The following TENM2 variants were observed in gnomAD, a reference collection of about 807,000 sequenced individuals.
The protein encoded by TENM2 is teneurin transmembrane protein 2.
TENM2 carries 52 observed loss-of-function variants against 245.2 expected under a neutral mutation model. That is an observed-to-expected ratio of 0.21 (90% CI 0.17 to 0.27). The LOEUF (loss-of-function observed/expected upper bound fraction) is 0.27, where lower values mean the gene tolerates loss of function less well. TENM2 is among the 10% of genes least tolerant of loss of function. The probability of loss-of-function intolerance (pLI) is 1.00; values close to 1 mark genes in which losing one functional copy is unlikely to be tolerated. For missense variants in TENM2, 3,046 were observed against 3,666.8 expected, an observed-to-expected ratio of 0.83 and a Z score of 4.37; for synonymous variants, 1,363 against 1,438.9, an observed-to-expected ratio of 0.95 and a Z score of 1.19.
chr5:167,499,970 G>A (rs1769081443), intron 2 of TENM2, among the ~76,000 whole-genome samples: 2 of 139,600 alleles, frequency 1.4e-5, no homozygotes, highest in South Asian at 4.6e-4. Context: ...GTGTATGTGA[G>A]GGTGTGTGTG....
chr5:167,721,763 T>C (rs1175235231), intron 2 of TENM2, among the ~76,000 whole-genome samples: 4 of 152,196 alleles, frequency 2.6e-5, no homozygotes, highest in Non-Finnish European at 5.9e-5. Context: ...TAAAGTAACA[T>C]ATTCCCAAGT....
At chr5:167,159,342 G>A in the TENM2 span, among the ~76,000 whole-genome samples, 5 of 151,992 alleles carry the variant, frequency 3.3e-5, no homozygotes, top group Non-Finnish European at 5.9e-5. Flanking sequence ...ATTTTTTAAA[G>A]TTTTATTTTC....
intron 3 of TENM2, among the ~76,000 whole-genome samples, chr5:167,897,433 T>C (rs528995487): frequency 6.6e-6 from 1 of 152,308 alleles, no homozygotes; most frequent in African/African-American, 2.4e-5. Context: ...GTAACACAGA[T>C]GCTTAGAAAA....
intron 1 of TENM2, among the ~76,000 whole-genome samples, chr5:167,328,869 G>A (rs754630710): frequency 5.9e-5 from 9 of 152,088 alleles, no homozygotes; most frequent in African/African-American, 9.7e-5. Flanking sequence ...ATTTAACAAA[G>A]TATATATTTT....
intron 2 of TENM2, among the ~76,000 whole-genome samples, chr5:167,803,066 A>G (rs547284371): frequency 3.0e-4 from 45 of 152,310 alleles, no homozygotes; most frequent in African/African-American, 1.0e-3. Context: ...GGCATTAGGA[A>G]GAGCCTCAGG....
chr5:167,138,434 T>TA, the TENM2 span, among the ~76,000 whole-genome samples: 1 of 152,242 alleles, frequency 6.6e-6, no homozygotes, highest in Admixed American at 6.5e-5. Flanking sequence ...AAAGGCAACA[T>TA]AAAAGGCAAC....
intron 4 of TENM2, among the ~76,000 whole-genome samples, chr5:167,976,964 T>A (rs1391324448): frequency 6.6e-6 from 1 of 152,176 alleles, no homozygotes; most frequent in African/African-American, 2.4e-5. Flanking sequence ...GTGGTACATA[T>A]ACACCATGGA....
chr5:167,035,416 G>T, the TENM2 span, among the ~76,000 whole-genome samples: 1 of 152,186 alleles, frequency 6.6e-6, no homozygotes, highest in Non-Finnish European at 1.5e-5. Context: ...ACATGTTTTA[G>T]TGCATCTGCT....
intron 6 of TENM2, among the ~76,000 whole-genome samples, chr5:168,054,675 G>A (rs933251280): frequency 6.6e-6 from 1 of 152,200 alleles, no homozygotes; most frequent in African/African-American, 2.4e-5. Flanking sequence ...TTTCTGAAAT[G>A]ATTAGCTCCT....
chr5:167,458,206 G>A (rs1766037905), intron 2 of TENM2, among the ~76,000 whole-genome samples: 1 of 152,082 alleles, frequency 6.6e-6, no homozygotes, highest in South Asian at 2.1e-4. Context: ...CATTTTCAGT[G>A]CCAGGCACGG....
rs377717879 is a variant in TENM2, at chr5:167,872,484, A to AAAAGAAAG, written c.503-3444_503-3437dup. Among the ~76,000 whole-genome samples the AAAAGAAAG allele has an allele frequency of 1.9e-3, 194 of 99,728 alleles. 1 individual carries two copies. The highest frequency in any genetic ancestry group is 3.9e-3 in the African/African-American group (105 of 27,180). 65.4% of individuals were successfully genotyped at this position (99,728 alleles called of 152,430 possible). A position where few individuals can be genotyped will look rare whatever the true frequency, so the allele number is the denominator to read the frequency against. ...CACGAAAGAAAGAAAGAAAGAAAGAAAAAGAAAGAAAGAAAGAAAGAAAGA... is the reference window on the plus strand; with the variant it reads ...CACGAAAGAAAGAAAGAAAGAAAGAAAAAGAAAGAAAGAAAGAAAGAAAGAAAGAAAGA... On this transcript the variant is annotated intron_variant, in intron 2 of 28. Transcript: ENST00000518659.
At chr5:167,526,205 G>T (rs1215627359) in intron 2 of TENM2, among the ~76,000 whole-genome samples, 1 of 151,894 alleles carries the variant, frequency 6.6e-6, no homozygotes, top group African/African-American at 2.4e-5. Flanking sequence ...GACCTCTACT[G>T]CAAAATCCAG....
the TENM2 span, among the ~76,000 whole-genome samples, chr5:167,035,495 A>G: frequency 9.9e-5 from 15 of 152,120 alleles, no homozygotes; most frequent in Non-Finnish European, 1.9e-4. Flanking sequence ...GTTCATCACC[A>G]TTTTCTATGT....
At chr5:167,220,411 A>G in the TENM2 span, among the ~76,000 whole-genome samples, 2 of 152,232 alleles carry the variant, frequency 1.3e-5, no homozygotes, top group African/African-American at 2.4e-5. Flanking sequence ...ACAGTAGACG[A>G]TGTAAAATTT....
At chr5:167,192,905 T>G in the TENM2 span, among the ~76,000 whole-genome samples, 2 of 152,024 alleles carry the variant, frequency 1.3e-5, no homozygotes, top group Admixed American at 6.6e-5. Context: ...GAAAAGATAT[T>G]GCAGGACCTA....
At chr5:167,549,119 G>A (rs1255745648) in intron 2 of TENM2, among the ~76,000 whole-genome samples, 1 of 152,112 alleles carries the variant, frequency 6.6e-6, no homozygotes. Flanking sequence ...TGGTATATCA[G>A]CTCAGCCAAT....
At chr5:167,495,614 T>C (rs571195578) in intron 2 of TENM2, among the ~76,000 whole-genome samples, 3 of 152,064 alleles carry the variant, frequency 2.0e-5, no homozygotes, top group Admixed American at 2.0e-4. Context: ...TATACTATAG[T>C]GGTGTCTTGA....
Position 168,151,256 on chromosome 5 carries a change from GA to G in TENM2, c.2423-11352del, listed in dbSNP as rs1756634359. On this transcript the variant is annotated intron_variant, in intron 12 of 28. Transcript: ENST00000518659. ...CAGATCTTACTCACGTAACTCTCAG[GA>G]AATTACCTCATTTTTCTCATTTTCA... Among the ~76,000 whole-genome samples the G allele has an allele frequency of 2.0e-5, 3 of 152,172 alleles. No individual in the cohort carries two copies. The South Asian group carries it at 6.2e-4, about 31-fold the overall frequency.
intron 2 of TENM2, among the ~76,000 whole-genome samples, chr5:167,532,124 G>A (rs1414653914): frequency 6.6e-6 from 1 of 152,110 alleles, no homozygotes; most frequent in African/African-American, 2.4e-5. Context: ...ATTTTCAGGT[G>A]AGGAAACTGA....
Sources: allele counts gnomAD v4.1 joint callset (sites outside exome capture counted in the v4.1 genomes callset), GRCh38; gene constraint gnomAD v4.1.1; transcripts MANE v1.5; gene names NCBI Gene and HGNC (gene_info 2026-07-23, HGNC 2026-07-21).